PCDHGA1: variants seen among roughly 807,000 people sequenced by gnomAD.
PCDHGA1 encodes the protein protocadherin gamma-A1.
PCDHGA1 carries 32 observed loss-of-function variants against 58.0 expected under a neutral mutation model. The observed-to-expected ratio is 0.55, with a 90% confidence interval of 0.42 to 0.74. The LOEUF is 0.74. PCDHGA1 is among the 30% of genes least tolerant of loss of function. PCDHGA1 has a pLI of 0.00. For synonymous variants in PCDHGA1, 498 were observed against 501.1 expected (o/e 0.99, Z 0.08); for missense variants, 1,205 against 1,182.3 (o/e 1.02, Z -0.28).
rs752730619 is a variant in PCDHGA1, at chr5:141,374,101, G to T, written c.2421+40996G>T. On this transcript the variant is annotated intron_variant, in intron 1 of 3. Coordinates refer to ENST00000517417, the MANE Select transcript of PCDHGA1 (RefSeq NM_018912.3). Reference sequence around the variant, plus strand: ...AGCCAGTAATGGCGCCTCCGCAGAGGCATCCGCAGCGCAGCGAGCAGGTCC... The same window carrying T: ...AGCCAGTAATGGCGCCTCCGCAGAGTCATCCGCAGCGCAGCGAGCAGGTCC... 2 of 1,565,390 alleles carry T rather than the reference G, an allele frequency of 1.3e-6. No individual in the cohort carries two copies. The highest frequency in any genetic ancestry group is 1.7e-6 in the Non-Finnish European group (2 of 1,154,124).
chr5:141,506,447 A>G (rs1405495926), intron 3 of PCDHGA1, among the ~76,000 whole-genome samples: 3 of 146,906 alleles, frequency 2.0e-5, no homozygotes, highest in Non-Finnish European at 3.0e-5. Flanking sequence ...TCTGTCTCAA[A>G]AAAAAAAAAA....
intron 1 of PCDHGA1, chr5:141,384,753 G>C (rs114533608): frequency 0.027 from 43,359 of 1,614,006 alleles, 841 homozygotes; most frequent in African/African-American, 0.094. Context: ...GACTCTTTGC[G>C]GTTGGGCTGT....
chr5:141,494,491 T>C (rs2099754727), intron 1 of PCDHGA1, among the ~76,000 whole-genome samples: 1 of 152,150 alleles, frequency 6.6e-6, no homozygotes, highest in Admixed American at 6.5e-5. Context: ...AGAAGATGCC[T>C]TCAGTCCTTG....
chr5:141,455,107 C>T (rs1027661420), intron 1 of PCDHGA1, among the ~76,000 whole-genome samples: 20 of 151,774 alleles, frequency 1.3e-4, no homozygotes, highest in Non-Finnish European at 2.4e-4. Context: ...CCACTGCGCC[C>T]GGTGGGTCTA....
chr5:141,358,797 C>A (rs1198975953), intron 1 of PCDHGA1, among the ~76,000 whole-genome samples: 2 of 152,182 alleles, frequency 1.3e-5, no homozygotes, highest in Admixed American at 6.5e-5. Context: ...GGGTTCTGGA[C>A]TGATATGATT....
chr5:141,415,026 G>T, intron 1 of PCDHGA1: 2 of 1,613,590 alleles, frequency 1.2e-6, no homozygotes, highest in Non-Finnish European at 1.7e-6. Context: ...AGGCCAGCGA[G>T]CCGGGACTCT....
chr5:141,372,030 G>A (rs1561553995), intron 1 of PCDHGA1: 1 of 1,613,446 alleles, frequency 6.2e-7, no homozygotes, highest in East Asian at 2.2e-5. Flanking sequence ...CAGCGCCAAC[G>A]TGAGCCTGCG....
chr5:141,407,158 G>A (rs2094893881), intron 1 of PCDHGA1, among the ~76,000 whole-genome samples: 1 of 152,166 alleles, frequency 6.6e-6, no homozygotes, highest in African/African-American at 2.4e-5. Flanking sequence ...AAGTGTCTGG[G>A]AATCCTTTAT....
chr5:141,400,230 G>A, intron 1 of PCDHGA1: 3 of 1,613,992 alleles, frequency 1.9e-6, no homozygotes, highest in Non-Finnish European at 2.5e-6. Flanking sequence ...TCTTCCTCCT[G>A]GCCGTGATTC....
intron 1 of PCDHGA1, chr5:141,340,571 G>C (rs1756959126): frequency 6.2e-7 from 1 of 1,614,138 alleles, no homozygotes; most frequent in South Asian, 1.1e-5. Flanking sequence ...GTGGGTGATA[G>C]CGCGGGACAG....
At chr5:141,336,772 GA>G (rs2149717847) in intron 1 of PCDHGA1, among the ~76,000 whole-genome samples, 1 of 152,030 alleles carries the variant, frequency 6.6e-6, no homozygotes, top group Admixed American at 6.5e-5. Context: ...AGCAACAAAA[GA>G]AAAAAATTGT....
At chr5:141,357,718 G>T in intron 1 of PCDHGA1, 1 of 1,437,468 alleles carries the variant, frequency 7.0e-7, no homozygotes, top group Middle Eastern at 1.8e-4. Context: ...AAATAAAGTT[G>T]CCTCTTTTAA....
rs1301787934 is a variant in PCDHGA1 at position 141,476,164 on chromosome 5, A to G, written c.2422-18643A>G. Reference sequence around the variant, plus strand: ...GCGGACTGGTAAGCACCGGGAGGGTAGTGGGAGTTTTGCTTCTGCTTGGTG... The same window carrying G: ...GCGGACTGGTAAGCACCGGGAGGGTGGTGGGAGTTTTGCTTCTGCTTGGTG... On this transcript the variant is annotated intron_variant, in intron 1 of 3. Transcript: ENST00000517417. This position sits in a 1 kb window ranked among gnomAD's most constrained non-coding sequence, Gnocchi z 7.6. 6.2e-7 allele frequency: 1 copy of G among 1,613,116 alleles called. No individual in the cohort carries two copies.
Position 141,489,391 on chromosome 5 carries a change from G to C in PCDHGA1, c.2422-5416G>C. 6.2e-7 allele frequency: 1 copy of C among 1,614,174 alleles called. No individual in the cohort carries two copies. The highest frequency in any genetic ancestry group is 8.5e-7 in the Non-Finnish European group (1 of 1,180,022). ...GACGCTGGTGGGGAATGTTGCTCAG[G>C]ATCTGGGCTTAAAGATGACAGATCT... On this transcript the variant is annotated intron_variant, in intron 1 of 3. Transcript: ENST00000517417. This position sits in a 1 kb window ranked among gnomAD's most constrained non-coding sequence, Gnocchi z 4.5.
chr5:141,362,444 T>C, intron 1 of PCDHGA1: 4 of 1,614,058 alleles, frequency 2.5e-6, no homozygotes, highest in Non-Finnish European at 3.4e-6. Flanking sequence ...TTTCTGAACA[T>C]AACCCCGGAA....
chr5:141,482,041 T>C (rs1443886481), intron 1 of PCDHGA1, among the ~76,000 whole-genome samples: 2 of 150,190 alleles, frequency 1.3e-5, no homozygotes, highest in Non-Finnish European at 2.9e-5. Context: ...GCCAAGATCA[T>C]GCTGTTGCAT....
intron 1 of PCDHGA1, among the ~76,000 whole-genome samples, chr5:141,460,763 T>A (rs904048213): frequency 4.6e-5 from 7 of 152,170 alleles, no homozygotes; most frequent in Admixed American, 1.3e-4. Context: ...ATATACATAT[T>A]GCATATGTAT....
intron 1 of PCDHGA1, chr5:141,408,974 G>A (rs899313364): frequency 6.2e-7 from 1 of 1,613,808 alleles, no homozygotes; most frequent in South Asian, 1.1e-5. Context: ...TCTGCCCCCT[G>A]GGTCCCCTGT....
At chr5:141,333,239 A>G (rs2149714564) in intron 1 of PCDHGA1, 134 bp downstream of exon 1, 1 of 1,318,080 alleles carries the variant, frequency 7.6e-7, no homozygotes, top group South Asian at 1.4e-5. Context: ...CAAGTCCTGC[A>G]AAATCACGAT....
Sources: gnomAD v4.1 joint callset for allele counts (sites outside exome capture counted in the v4.1 genomes callset) on GRCh38, gnomAD v4.1.1 for gene constraint, Gnocchi (gnomAD v3.1) non-coding constraint, MANE v1.5 for transcripts, NCBI Gene and HGNC (gene_info 2026-07-23, HGNC 2026-07-21) for gene names.